GRIK2: variants seen among roughly 807,000 people sequenced by gnomAD.
GRIK2 encodes glutamate receptor ionotropic, kainate 2.
A neutral mutation model predicts 100.3 loss-of-function variants in GRIK2; 32 were observed. That is an observed-to-expected ratio of 0.32 (90% CI 0.24 to 0.43). The LOEUF (loss-of-function observed/expected upper bound fraction) is 0.43, where lower values mean the gene tolerates loss of function less well. GRIK2 is among the 20% of genes least tolerant of loss of function. The pLI, the probability that GRIK2 is intolerant of heterozygous loss-of-function variation, is 1.00. For missense variants in GRIK2, 843 were observed against 1,114.9 expected, an observed-to-expected ratio of 0.76 and a Z score of 3.47; for synonymous variants, 417 against 389.4, an observed-to-expected ratio of 1.07 and a Z score of -0.83.
At chr6:101,978,078 T>C (rs1234802832) in intron 14 of GRIK2, among the ~76,000 whole-genome samples, 1 of 151,922 alleles carries the variant, frequency 6.6e-6, no homozygotes, top group African/African-American at 2.4e-5. Context: ...GAGGTTTTTT[T>C]CTGAGCCCCA....
chr6:101,984,614 A>ACACACAC (rs1793908585), intron 14 of GRIK2, among the ~76,000 whole-genome samples: 1 of 129,158 alleles, frequency 7.7e-6, no homozygotes, highest in Non-Finnish European at 1.6e-5. Flanking sequence ...TACACATTAA[A>ACACACAC]ACACACACAC....
intron 9 of GRIK2, among the ~76,000 whole-genome samples, chr6:101,818,165 A>G (rs995366757): frequency 2.0e-5 from 3 of 152,184 alleles, no homozygotes; most frequent in African/African-American, 7.2e-5. Context: ...AGTTCAGTGG[A>G]TCGTTTTGTT....
intron 14 of GRIK2, among the ~76,000 whole-genome samples, chr6:102,022,468 A>G (rs919942979): frequency 5.3e-5 from 8 of 151,856 alleles, no homozygotes; most frequent in African/African-American, 1.9e-4. Context: ...TCCAAATGTG[A>G]GTAAGCCATG....
chr6:101,861,268 T>C (rs1169239288), intron 11 of GRIK2, among the ~76,000 whole-genome samples: 1 of 152,206 alleles, frequency 6.6e-6, no homozygotes, highest in African/African-American at 2.4e-5. Context: ...TTCTTACTTG[T>C]TCTGTCTTCT....
intron 2 of GRIK2, among the ~76,000 whole-genome samples, chr6:101,449,501 A>G (rs1400126153): frequency 1.3e-5 from 2 of 151,702 alleles, no homozygotes; most frequent in Non-Finnish European, 3.0e-5. Context: ...ATTTTACACA[A>G]CAAGGGAGGC....
chr6:101,566,597 G>A (rs1044558189), intron 2 of GRIK2, among the ~76,000 whole-genome samples: 3 of 151,438 alleles, frequency 2.0e-5, no homozygotes, highest in African/African-American at 7.3e-5. Flanking sequence ...CTTTACTAAT[G>A]TATCTTTCCA....
chr6:101,442,506 C>T (rs1396425545), intron 2 of GRIK2, among the ~76,000 whole-genome samples: 1 of 152,116 alleles, frequency 6.6e-6, no homozygotes, highest in Non-Finnish European at 1.5e-5. Context: ...TAATACTTGC[C>T]TGACATGCTG....
At chr6:102,054,575 G>A (rs1202411074) in intron 15 of GRIK2, among the ~76,000 whole-genome samples, 1 of 152,006 alleles carries the variant, frequency 6.6e-6, no homozygotes, top group African/African-American at 2.4e-5. Flanking sequence ...AATATCTAAT[G>A]CAGATGAGTA....
At chr6:101,853,580 A>G (rs1192421612) in intron 10 of GRIK2, among the ~76,000 whole-genome samples, 1 of 152,184 alleles carries the variant, frequency 6.6e-6, no homozygotes, top group Non-Finnish European at 1.5e-5. Context: ...GCAGTCATCC[A>G]CCTTGATATT....
In GRIK2 at chr6:101,710,814, A is replaced by G. The variant is rs377560204; in HGVS notation, c.951+24461A>G. On this transcript the variant is annotated intron_variant, in intron 7 of 16. Coordinates refer to ENST00000369134, the MANE Select transcript of GRIK2 (RefSeq NM_021956.5). ...ATATTATTATATTTTCTGTGGAAAA[A>G]GTGAGGGAAATTGAGATAAAAAGGG... Among the ~76,000 whole-genome samples, 9 of 151,958 alleles carry G rather than the reference A, an allele frequency of 5.9e-5. No homozygotes were observed. The East Asian group carries it at 1.8e-3, about 30-fold the overall frequency.
chr6:101,890,580 T>G (rs1287085734), intron 12 of GRIK2, among the ~76,000 whole-genome samples: 1 of 151,878 alleles, frequency 6.6e-6, no homozygotes, highest in Non-Finnish European at 1.5e-5. Flanking sequence ...ATAATAAAAA[T>G]TAAGAAAAAA....
chr6:101,841,668 G>A (rs982994138), intron 10 of GRIK2, among the ~76,000 whole-genome samples: 5 of 152,034 alleles, frequency 3.3e-5, no homozygotes, highest in African/African-American at 1.2e-4. Context: ...CCAGCCTGCA[G>A]AAAGATTTTT....
At chr6:101,890,673 ATTAC>A (rs1332836325) in intron 12 of GRIK2, among the ~76,000 whole-genome samples, 1 of 152,060 alleles carries the variant, frequency 6.6e-6, no homozygotes, top group African/African-American at 2.4e-5. Flanking sequence ...TGTTGATGGT[ATTAC>A]TTTATTTTAC....
chr6:101,473,404 T>C (rs1772056643), intron 2 of GRIK2, among the ~76,000 whole-genome samples: 2 of 151,822 alleles, frequency 1.3e-5, no homozygotes, highest in Non-Finnish European at 3.0e-5. Context: ...CACATGGATT[T>C]TGTAAACAAT....
At chr6:101,467,887 A>AT (rs71028070) in intron 2 of GRIK2, among the ~76,000 whole-genome samples, 55,909 of 141,780 alleles carry the variant, frequency 0.39, 10,853 homozygotes, top group African/African-American at 0.45. Flanking sequence ...GTCCTTCCTT[A>AT]TTTTTTTTTT....
At chr6:101,827,839 A>G (rs1466032780) in intron 10 of GRIK2, among the ~76,000 whole-genome samples, 1 of 152,040 alleles carries the variant, frequency 6.6e-6, no homozygotes, top group Non-Finnish European at 1.5e-5. Flanking sequence ...GTAGTGAAGG[A>G]CTTCAACACA....
intron 2 of GRIK2, among the ~76,000 whole-genome samples, chr6:101,518,919 T>A (rs2399707): frequency 0.1 from 15,636 of 152,156 alleles, 969 homozygotes; most frequent in Middle Eastern, 0.14. Flanking sequence ...TGCTGATTTT[T>A]AAACAAGTGT....
At chr6:101,909,820 C>A (rs1007370461) in intron 12 of GRIK2, among the ~76,000 whole-genome samples, 2 of 150,746 alleles carry the variant, frequency 1.3e-5, no homozygotes, top group African/African-American at 4.9e-5. Flanking sequence ...TCTCATTAAC[C>A]AGAATTCATA....
At chr6:101,399,503 C>T (rs1266557719) in intron 2 of GRIK2, 111 bp downstream of exon 2, 1 of 709,860 alleles carries the variant, frequency 1.4e-6, no homozygotes, top group Non-Finnish European at 2.6e-6. Flanking sequence ...GATCTGCTCA[C>T]TGCTCTGTCG....
Sources: gnomAD v4.1 joint callset for allele counts (sites outside exome capture counted in the v4.1 genomes callset) on GRCh38, gnomAD v4.1.1 for gene constraint, MANE v1.5 for transcripts, NCBI Gene and HGNC (gene_info 2026-07-23, HGNC 2026-07-21) for gene names.